The following ARSB variants were observed in gnomAD, a reference collection of about 807,000 sequenced individuals.
The protein encoded by ARSB is arylsulfatase B.
In ARSB, 41 loss-of-function variants were observed where a neutral mutation model predicts 50.9. That is an observed-to-expected ratio of 0.81 (90% confidence interval 0.63 to 1.04). The LOEUF (loss-of-function observed/expected upper bound fraction) is 1.04, where lower values mean the gene tolerates loss of function less well. ARSB is among the 50% of genes least tolerant of loss of function. ARSB has a pLI of 0.00. For missense variants in ARSB, 672 were observed against 693.3 expected (o/e 0.97, Z 0.35); for synonymous variants, 269 against 284.8 (o/e 0.94, Z 0.56).
At chr5:78,928,243 T>C (rs1169446276) in intron 4 of ARSB, among the ~76,000 whole-genome samples, 1 of 149,512 alleles carries the variant, frequency 6.7e-6, no homozygotes, top group African/African-American at 2.5e-5. Flanking sequence ...AGGGAAACCA[T>C]AGCTCGTGCC....
chr5:78,950,422 T>C (rs1020276411), intron 4 of ARSB, among the ~76,000 whole-genome samples: 2 of 152,156 alleles, frequency 1.3e-5, no homozygotes, highest in African/African-American at 4.8e-5. Context: ...TGAGAAGGGA[T>C]GGCACTAATT....
At chr5:78,891,305 G>A (rs1419755625) in intron 4 of ARSB, among the ~76,000 whole-genome samples, 2 of 152,198 alleles carry the variant, frequency 1.3e-5, no homozygotes, top group Non-Finnish European at 2.9e-5. Flanking sequence ...GGTGCTCTTG[G>A]ACCCCAGTGA....
chr5:78,946,576 A>G (rs1357931698), intron 4 of ARSB, among the ~76,000 whole-genome samples: 2 of 152,198 alleles, frequency 1.3e-5, no homozygotes, highest in East Asian at 3.8e-4. Context: ...TAACCAAAGT[A>G]GTGAAAGGGC....
At chr5:78,976,189 G>C (rs1752653007) in intron 1 of ARSB, among the ~76,000 whole-genome samples, 4 of 150,990 alleles carry the variant, frequency 2.6e-5, no homozygotes. Flanking sequence ...AGGCTGAAAA[G>C]ATCCTCATCT....
In ARSB at chr5:78,849,103, C is replaced by A. The variant is rs371817150; in HGVS notation, c.1143-9677G>T. ...CATTTGTCAGTTTTGGTTTTTGTTG[C>A]CATTGCTTTTGGTGTTTTAGACATG... On this transcript the variant is annotated intron_variant, in intron 5 of 7. Transcript: ENST00000264914. Among the ~76,000 whole-genome samples the A allele has an allele frequency of 1.3e-4, 20 of 152,244 alleles. 1 individual carries two copies. The East Asian group carries it at 2.9e-3, about 22-fold the overall frequency.
chr5:78,882,314 A>G (rs927677144), intron 5 of ARSB, among the ~76,000 whole-genome samples: 5 of 152,358 alleles, frequency 3.3e-5, no homozygotes, highest in Middle Eastern at 3.4e-3. Flanking sequence ...TGCCTCAGGA[A>G]AAAATGAGAC....
At chr5:78,875,671 A>ATTT in intron 5 of ARSB, among the ~76,000 whole-genome samples, 1 of 145,074 alleles carries the variant, frequency 6.9e-6, no homozygotes, top group Non-Finnish European at 1.5e-5. Flanking sequence ...TTATATTATT[A>ATTT]TTATTTTTTT....
chr5:78,893,465 A>AAT, intron 4 of ARSB, among the ~76,000 whole-genome samples: 2 of 152,310 alleles, frequency 1.3e-5, no homozygotes, highest in African/African-American at 4.8e-5. Context: ...TAATGAGGCT[A>AAT]ATGCCATTGC....
At chr5:78,945,310 A>G (rs1004222703) in intron 4 of ARSB, among the ~76,000 whole-genome samples, 1 of 152,132 alleles carries the variant, frequency 6.6e-6, no homozygotes, top group Non-Finnish European at 1.5e-5. Flanking sequence ...AACAATCCCC[A>G]GTGAGATGAA....
chr5:78,895,726 T>C (rs1748532650), intron 4 of ARSB, among the ~76,000 whole-genome samples: 2 of 152,220 alleles, frequency 1.3e-5, no homozygotes, highest in Non-Finnish European at 2.9e-5. Flanking sequence ...TCCTAGTAAT[T>C]TTGTCACCCT....
chr5:78,985,396 G>T, upstream of ARSB: 2 of 728,784 alleles, frequency 2.7e-6, no homozygotes, highest in Non-Finnish European at 3.7e-6. Context: ...CGGGCGCTCG[G>T]CCCCCGCCGC....
intron 6 of ARSB, among the ~76,000 whole-genome samples, chr5:78,829,466 C>G (rs1470936924): frequency 6.6e-6 from 1 of 152,166 alleles, no homozygotes; most frequent in Non-Finnish European, 1.5e-5. Flanking sequence ...TATCACTTAT[C>G]ATTTGTTCTA....
At chr5:78,797,402 GTT>G (rs1743226190) in intron 6 of ARSB, among the ~76,000 whole-genome samples, 3 of 152,188 alleles carry the variant, frequency 2.0e-5, no homozygotes, top group Non-Finnish European at 4.4e-5. Flanking sequence ...AACCCAGACT[GTT>G]GTTTTGTGTA....
Position 78,985,108 on chromosome 5 carries a change from C to G in ARSB, c.141G>C (p.Leu47=), listed in dbSNP as rs2112582799. Residue 47 remains leucine, a synonymous_variant, in exon 1 of 8, where the codon CTG becomes CTC. Transcript: ENST00000264914. ...SGAGASRPPH[L]VFLLADDLGW... is the part of the protein sequence containing the mutation. ...CTAGGTCGTCTGCCAGCAAGAAGAC[C>G]AGGTGGGGCGGCCGGCTGGCCCCGG... 6.6e-7 allele frequency: 1 copy of G among 1,509,700 alleles called. No individual in the cohort carries two copies. The highest frequency in any genetic ancestry group is 2.7e-5 in the East Asian group (1 of 36,440). 93.5% of individuals were successfully genotyped at this position (1,509,700 alleles called of 1,614,324 possible).
intron 5 of ARSB, among the ~76,000 whole-genome samples, chr5:78,861,032 G>A (rs1410621009): frequency 6.6e-6 from 1 of 152,046 alleles, no homozygotes; most frequent in Non-Finnish European, 1.5e-5. Context: ...TAAATTCCTC[G>A]ACACACACAC....
intron 3 of ARSB, among the ~76,000 whole-genome samples, chr5:78,957,786 TG>T (rs1751798987): frequency 6.6e-6 from 1 of 151,996 alleles, no homozygotes; most frequent in African/African-American, 2.4e-5. Context: ...CTGCGATGTC[TG>T]GAGGGAAGAA....
At chr5:78,920,770 C>CAGA (rs1749773360) in intron 4 of ARSB, among the ~76,000 whole-genome samples, 2 of 152,182 alleles carry the variant, frequency 1.3e-5, no homozygotes. Flanking sequence ...TCCTTACAGC[C>CAGA]AGAACCTCTG....
At chr5:78,813,942 G>C (rs1461506258) in intron 6 of ARSB, among the ~76,000 whole-genome samples, 1 of 152,104 alleles carries the variant, frequency 6.6e-6, no homozygotes, top group African/African-American at 2.4e-5. Context: ...AATTGTTTGA[G>C]TGAAAGAAAA....
At chr5:78,884,544 C>G (rs1747915844) in intron 5 of ARSB, 1 of 147,052 alleles carries the variant, frequency 6.8e-6, no homozygotes, top group Non-Finnish European at 1.5e-5. Flanking sequence ...TGAGGAAGTC[C>G]TCTCCCCCTG....
Sources: gnomAD v4.1 joint callset for allele counts (sites outside exome capture counted in the v4.1 genomes callset) on GRCh38, gnomAD v4.1.1 for gene constraint, MANE v1.5 for transcripts, NCBI Gene and HGNC (gene_info 2026-07-23, HGNC 2026-07-21) for gene names.